Variants in PPFIA4 observed in about 807,000 individuals in gnomAD.
PPFIA4 encodes the protein liprin-alpha-4.
PPFIA4 carries 98 observed loss-of-function variants against 145.7 expected under a neutral mutation model. That is an observed-to-expected ratio of 0.67 (90% CI 0.57 to 0.80). PPFIA4 has a LOEUF of 0.80. Among genes scored for constraint, PPFIA4 ranks in the 30% least tolerant of loss-of-function variants. The pLI is 0.00. For synonymous variants in PPFIA4, 628 were observed against 649.6 expected, an observed-to-expected ratio of 0.97 and a Z score of 0.51; for missense variants, 1,457 against 1,632.7, an observed-to-expected ratio of 0.89 and a Z score of 1.85.
Position 203,053,929 on chromosome 1 carries a change from G to T in PPFIA4, c.1797G>T (p.Gln599His). The T allele has an allele frequency of 6.4e-7, 1 of 1,566,842 alleles. No homozygotes were observed. Among genetic ancestry groups the T allele is most frequent in the East Asian group, 2.4e-5 (1 of 42,182 alleles). Reference protein sequence around the residue: ...SDAQTLAMMLQEQLDAINEEI... With the variant: ...SDAQTLAMMLHEQLDAINEEI... Reference sequence around the variant, plus strand: ...CCCAGACCCTGGCCATGATGCTGCAGGAGCAGCTGGATGCCATCAATGAGG... The same window carrying T: ...CCCAGACCCTGGCCATGATGCTGCATGAGCAGCTGGATGCCATCAATGAGG... Residue 599 changes from glutamine to histidine, a missense_variant, in exon 15 of 30, where the codon CAG (glutamine) becomes CAT (histidine). Around this residue, in one of 3 missense-constraint regions of PPFIA4, gnomAD observed 848 missense variants for 1,046.7 expected, o/e 0.81. Transcript: ENST00000295706.
Position 203,051,844 on chromosome 1 carries a change from C to CCGCTACT in PPFIA4, c.1590_1596dup (p.Ala533LeufsTer30). Reference sequence around the variant, plus strand: ...CACACGCACCCCCAGGCGTGCATCGCCGCTACTCGGCATTGAGGGAAGAGT... The same window carrying CCGCTACT: ...CACACGCACCCCCAGGCGTGCATCGCCGCTACTCGCTACTCGGCATTGAGGGAAGAGT... On this transcript the variant is annotated frameshift_variant, in exon 14 of 30. Transcript: ENST00000295706. LOFTEE classifies it high-confidence loss of function. 1 of 1,613,720 alleles carries CCGCTACT rather than the reference C, an allele frequency of 6.2e-7. No individual in the cohort carries two copies. The highest frequency in any genetic ancestry group is 8.5e-7 in the Non-Finnish European group (1 of 1,179,768).
At chr1:203,039,285 C>T (rs1217074619) in intron 2 of PPFIA4, 43 bp downstream of exon 2, 3 of 1,433,690 alleles carry the variant, frequency 2.1e-6, no homozygotes, top group Non-Finnish European at 2.8e-6. Flanking sequence ...CCTTTCCCTC[C>T]TCTAGCCCTG....
At chr1:203,056,989 TG>T in intron 19 of PPFIA4, 39 bp downstream of exon 19, 1 of 1,608,556 alleles carries the variant, frequency 6.2e-7, no homozygotes, top group Non-Finnish European at 8.5e-7. Context: ...GGGCGGGCAT[TG>T]GGGCATCAGA....
chr1:203,032,041 C>CGTGTGTGT (rs66626205), intron 1 of PPFIA4, among the ~76,000 whole-genome samples: 12,328 of 146,290 alleles, frequency 0.084, 565 homozygotes, highest in Admixed American at 0.14. Context: ...TCTGAGAGAA[C>CGTGTGTGT]GTGTGTGTGT....
chr1:203,030,442 G>C (rs566073070), intron 1 of PPFIA4, among the ~76,000 whole-genome samples: 3 of 152,324 alleles, frequency 2.0e-5, no homozygotes, highest in South Asian at 2.1e-4. Context: ...GGACATGCAG[G>C]GGGGTGACCC....
Position 203,045,710 on chromosome 1 carries a change from A to G in PPFIA4, c.859-131A>G. 1.5e-5 allele frequency: 22 copies of G among 1,481,308 alleles called. No homozygotes were observed. The South Asian group carries it at 2.6e-4, about 18-fold the overall frequency. The allele number at this position is 1,481,308 out of a possible 1,614,324, so 91.8% of individuals were successfully genotyped here. On this transcript the variant is annotated intron_variant, in intron 7 of 29. Coordinates refer to ENST00000295706, the MANE Select transcript of PPFIA4 (RefSeq NM_001304331.2). ...GTCATGGAAGGGGTGGGCCAAAGCC[A>G]GAAACTGACAGGAGAGTGTAGCTCA...
rs903344594 is a variant in PPFIA4, at chr1:203,078,714, C to T, written c.*2324C>T. On this transcript the variant is annotated 3_prime_UTR_variant, in exon 30 of 30. Coordinates refer to ENST00000295706, the MANE Select transcript of PPFIA4 (RefSeq NM_001304331.2). ...GTGTGGGTGTGTACGTACCAATAAA[C>T]AACCTGGTTTTAAGACAATGTACAA... The T allele has an allele frequency of 1.4e-5, 2 of 144,546 alleles. No individual in the cohort carries two copies. Among genetic ancestry groups the T allele is most frequent in the Non-Finnish European group, 3.0e-5 (2 of 66,334 alleles). The allele number at this position is 144,546 out of a possible 1,614,324, so 9.0% of individuals were successfully genotyped here.
chr1:203,060,902 G>A lies in PPFIA4; in HGVS notation c.2785-68G>A. 6.8e-7 allele frequency: 1 copy of A among 1,463,294 alleles called. No homozygotes were observed. Among genetic ancestry groups the A allele is most frequent in the South Asian group, 1.1e-5 (1 of 87,794 alleles). The allele number at this position is 1,463,294 out of a possible 1,614,324, so 90.6% of individuals were successfully genotyped here. Reference sequence around the variant, plus strand: ...AGGGAGCTTTGTCCTTGTCCTTTGGGCTCCCAGCCTGATGGGGATCCTGGG... The same window carrying A: ...AGGGAGCTTTGTCCTTGTCCTTTGGACTCCCAGCCTGATGGGGATCCTGGG... On this transcript the variant is annotated intron_variant, in intron 22 of 29. Coordinates refer to ENST00000295706, the MANE Select transcript of PPFIA4 (RefSeq NM_001304331.2). This position sits in a 1 kb window ranked among gnomAD's most constrained non-coding sequence, Gnocchi z 4.8.
intron 23 of PPFIA4, 43 bp downstream of exon 23, chr1:203,061,075 G>A: frequency 6.3e-7 from 1 of 1,576,664 alleles, no homozygotes; most frequent in Non-Finnish European, 8.7e-7. Context: ...CTGGGGTTGG[G>A]ACTGATACTC....
chr1:203,074,836 A>G (rs1479823725), intron 28 of PPFIA4, among the ~76,000 whole-genome samples: 1 of 151,778 alleles, frequency 6.6e-6, no homozygotes, highest in African/African-American at 2.4e-5. Context: ...TTTTGGAGAC[A>G]TGGCTGGCAT....
chr1:203,069,675 G>A (rs369214818), intron 27 of PPFIA4, among the ~76,000 whole-genome samples: 6 of 152,128 alleles, frequency 3.9e-5, no homozygotes, highest in East Asian at 1.9e-4. Context: ...GTGTTGTCTC[G>A]TAATTCTGGG....
In PPFIA4 at chr1:203,068,362, T is replaced by C; in HGVS notation, c.3149-91T>C. The stretch of plus-strand genomic sequence containing the variant: ...GTCAGAGAGCAGGGTGGACTGCGGC[T>C]CTGGGTTTAGGGAGCTCTGCTTCTG... On this transcript the variant is annotated intron_variant, in intron 26 of 29. Coordinates refer to ENST00000295706, the MANE Select transcript of PPFIA4 (RefSeq NM_001304331.2). The surrounding 1 kb of genome is among the most constrained non-coding windows in gnomAD (Gnocchi z 4.7). The C allele has an allele frequency of 2.5e-6, 3 of 1,193,104 alleles. No individual in the cohort carries two copies. Among genetic ancestry groups the C allele is most frequent in the Non-Finnish European group, 3.5e-6 (3 of 865,432 alleles). The allele number at this position is 1,193,104 out of a possible 1,614,324, so 73.9% of individuals were successfully genotyped here. A position where few individuals can be genotyped will look rare whatever the true frequency, so the allele number is the denominator to read the frequency against.
At chr1:203,074,650 T>C (rs1372276296) in intron 28 of PPFIA4, among the ~76,000 whole-genome samples, 1 of 152,040 alleles carries the variant, frequency 6.6e-6, no homozygotes, top group African/African-American at 2.4e-5. Context: ...TGAATGTCCA[T>C]TGTTCCTGCT....
At position 203,075,708 on chromosome 1, in the gene PPFIA4, G is replaced by GGGGACC; in HGVS notation, c.3526_3531dup (p.Gly1176_Thr1177dup). ...CGGCGGGCTTCCGTGTGTCCACCCTGGGGACCCTGCAGCCCCCACCGGCCC... is the reference window on the plus strand; with the variant it reads ...CGGCGGGCTTCCGTGTGTCCACCCTGGGGACCGGGACCCTGCAGCCCCCACCGGCCC... On this transcript the variant is annotated inframe_insertion, in exon 29 of 30. Transcript: ENST00000295706. This position sits in a 1 kb window ranked among gnomAD's most constrained non-coding sequence, Gnocchi z 4.1. The GGGGACC allele has an allele frequency of 6.9e-7, 1 of 1,458,260 alleles. No individual in the cohort carries two copies. Among genetic ancestry groups the GGGGACC allele is most frequent in the Non-Finnish European group, 9.1e-7 (1 of 1,101,222 alleles). 90.3% of individuals were successfully genotyped at this position (1,458,260 alleles called of 1,614,324 possible).
intron 25 of PPFIA4, 66 bp from the exon 26 acceptor site, chr1:203,067,629 T>C (rs2275354): frequency 0.54 from 748,195 of 1,373,042 alleles, 206,201 homozygotes; most frequent in South Asian, 0.6. Flanking sequence ...TGATGCTGGA[T>C]GTGAGACAGG....
At chr1:203,031,857 TTAA>T (rs1658854772) in intron 1 of PPFIA4, among the ~76,000 whole-genome samples, 1 of 152,264 alleles carries the variant, frequency 6.6e-6, no homozygotes, top group African/African-American at 2.4e-5. Flanking sequence ...GGGAATGTAC[TTAA>T]TGATGTAAGT....
chr1:203,060,484 G>T lies in PPFIA4; in HGVS notation c.2784+67G>T. 6.5e-7 allele frequency: 1 copy of T among 1,542,900 alleles called. No homozygotes were observed. The highest frequency in any genetic ancestry group is 2.2e-5 in the East Asian group (1 of 44,476). ...TGGAACATAGTTTGCAAGGTCTCCTGTTGGGCTTTGGGAAGATGGCAGCAT... is the reference window on the plus strand; with the variant it reads ...TGGAACATAGTTTGCAAGGTCTCCTTTTGGGCTTTGGGAAGATGGCAGCAT... On this transcript the variant is annotated intron_variant, in intron 22 of 29. Coordinates refer to ENST00000295706, the MANE Select transcript of PPFIA4 (RefSeq NM_001304331.2). The surrounding 1 kb of genome is among the most constrained non-coding windows in gnomAD (Gnocchi z 4.8).
intron 2 of PPFIA4, 34 bp downstream of exon 2, chr1:203,039,276 C>G (rs1396886160): frequency 6.8e-7 from 1 of 1,480,050 alleles, no homozygotes; most frequent in Non-Finnish European, 9.0e-7. Context: ...CTCTTAACCC[C>G]TTTCCCTCCT....
Position 203,055,797 on chromosome 1 carries a change from C to T in PPFIA4, c.2070+125C>T. 2.1e-6 allele frequency: 3 copies of T among 1,427,146 alleles called. No individual in the cohort carries two copies. The highest frequency in any genetic ancestry group is 2.6e-5 in the South Asian group (2 of 76,312). The allele number at this position is 1,427,146 out of a possible 1,614,324, so 88.4% of individuals were successfully genotyped here. A position where few individuals can be genotyped will look rare whatever the true frequency, so the allele number is the denominator to read the frequency against. ...ATCTTCTTCCCATGGTGTGTGCAGACCCCGACATGTCAGGCCACCAGCCTG... is the reference window on the plus strand; with the variant it reads ...ATCTTCTTCCCATGGTGTGTGCAGATCCCGACATGTCAGGCCACCAGCCTG... On this transcript the variant is annotated intron_variant, in intron 16 of 29. Coordinates refer to ENST00000295706, the MANE Select transcript of PPFIA4 (RefSeq NM_001304331.2). The surrounding 1 kb of genome is among the most constrained non-coding windows in gnomAD (Gnocchi z 4.8).
Sources: allele counts gnomAD v4.1 joint callset (sites outside exome capture counted in the v4.1 genomes callset), GRCh38; gene constraint gnomAD v4.1.1; regional missense constraint gnomAD v4.1.1; non-coding constraint Gnocchi (gnomAD v3.1); transcripts MANE v1.5; gene names NCBI Gene and HGNC (gene_info 2026-07-23, HGNC 2026-07-21).